Variants in NID2 observed in about 807,000 individuals in gnomAD.
NID2 encodes nidogen 2.
Under a neutral mutation model 145.4 loss-of-function variants are expected in NID2, and 83 were observed. The ratio of observed to expected loss-of-function variants is 0.57; its 90% CI spans 0.48 to 0.69. NID2 has a LOEUF of 0.69. NID2 is among the 30% of genes least tolerant of loss of function. The probability of loss-of-function intolerance (pLI) is 0.00; values close to 1 mark genes in which losing one functional copy is unlikely to be tolerated. For synonymous variants in NID2, 739 were observed against 701.3 expected (o/e 1.05, Z -0.85); for missense variants, 1,807 against 1,765.7 (o/e 1.02, Z -0.42).
chr14:52,030,489 GAAA>G (rs1891767927), intron 9 of NID2, among the ~76,000 whole-genome samples: 1 of 49,386 alleles, frequency 2.0e-5, no homozygotes, highest in Admixed American at 2.1e-4. Flanking sequence ...AGAAAAGAAA[GAAA>G]GAAAGAAAGA....
chr14:52,006,746 A>G (rs1890800594), intron 19 of NID2, 86 bp from the exon 20 acceptor site: 2 of 1,410,518 alleles, frequency 1.4e-6, no homozygotes, highest in Non-Finnish European at 2.0e-6. Flanking sequence ...CAGTGATAGA[A>G]TGGGGAAATA....
chr14:52,012,472 C>A (rs1032642012), intron 16 of NID2, among the ~76,000 whole-genome samples: 1 of 152,134 alleles, frequency 6.6e-6, no homozygotes, highest in African/African-American at 2.4e-5. Flanking sequence ...GTGGCACGCA[C>A]CTGTAGTCCC....
chr14:52,054,505 C>G (rs1414168829), intron 3 of NID2, among the ~76,000 whole-genome samples, 184 bp from the exon 4 acceptor site: 1 of 152,118 alleles, frequency 6.6e-6, no homozygotes, highest in African/African-American at 2.4e-5. Flanking sequence ...AGTTTGAGAC[C>G]AGTCTAGGCA....
intron 5 of NID2, among the ~76,000 whole-genome samples, chr14:52,043,691 C>A (rs1189386243): frequency 2.0e-5 from 3 of 152,128 alleles, no homozygotes; most frequent in Non-Finnish European, 2.9e-5. Flanking sequence ...CCTACTTATT[C>A]TGCCCATTAA....
At chr14:52,029,767 G>A in intron 9 of NID2, 77 bp from the exon 10 acceptor site, 1 of 1,233,892 alleles carries the variant, frequency 8.1e-7, no homozygotes, top group Non-Finnish European at 1.2e-6. Context: ...GGAGTCCTCG[G>A]AACTGACTGC....
intron 9 of NID2, among the ~76,000 whole-genome samples, chr14:52,033,049 T>C (rs75658396): frequency 6.6e-6 from 1 of 152,224 alleles, no homozygotes; most frequent in African/African-American, 2.4e-5. Flanking sequence ...TTCACTGAAC[T>C]TGGCTTCCCA....
chr14:52,068,688 C>G, intron 1 of NID2, 79 bp downstream of exon 1: 1 of 1,307,488 alleles, frequency 7.6e-7, no homozygotes, highest in Non-Finnish European at 1.1e-6. Context: ...TGTTTCCTCC[C>G]CTCTGGAGGC....
At chr14:52,053,177 A>G (rs1053628537) in intron 5 of NID2, among the ~76,000 whole-genome samples, 2 of 152,250 alleles carry the variant, frequency 1.3e-5, no homozygotes, top group African/African-American at 4.8e-5. Flanking sequence ...CATCTGAGCC[A>G]GCACAACTCA....
At chr14:52,029,378 C>T (rs948290721) in intron 10 of NID2, among the ~76,000 whole-genome samples, 169 bp downstream of exon 10, 9 of 152,202 alleles carry the variant, frequency 5.9e-5, no homozygotes, top group African/African-American at 2.2e-4. Flanking sequence ...CAAACATAAA[C>T]AGCTATGCTT....
Position 52,042,313 on chromosome 14 carries a change from G to A in NID2, c.1617C>T (p.His539=). 1.2e-6 allele frequency: 2 copies of A among 1,613,476 alleles called. No individual in the cohort carries two copies. The highest frequency in any genetic ancestry group is 1.7e-6 in the Non-Finnish European group (2 of 1,179,476). ...GCACGGGTGTATGGCCCACGTGGAG[G>A]TGGCCACTCACTTTCCCATTCACTC... ...PHRVNGKVSG[H]LHVGHTPVHF... is the part of the protein sequence containing the mutation. Residue 539 remains histidine (H), a synonymous_variant, in exon 7 of 22, where the codon CAC becomes CAT. Transcript: ENST00000216286.
rs775431607 is a variant in NID2, at chr14:52,040,868, T to C, written c.1826-17A>G. Reference sequence around the variant, plus strand: ...AGGCAGCACCTGGAGATGAAAAACATTCAGCACAGGGATGAAAAGAGGTCT... The same window carrying C: ...AGGCAGCACCTGGAGATGAAAAACACTCAGCACAGGGATGAAAAGAGGTCT... On this transcript the variant is annotated splice_polypyrimidine_tract_variant and intron_variant, in intron 7 of 21. Coordinates refer to ENST00000216286, the MANE Select transcript of NID2 (RefSeq NM_007361.4). 1.2e-6 allele frequency: 2 copies of C among 1,612,538 alleles called. No individual in the cohort carries two copies. The highest frequency in any genetic ancestry group is 2.2e-5 in the South Asian group (2 of 91,056).
chr14:52,028,540 C>T (rs1442953625), intron 11 of NID2, 182 bp downstream of exon 11: 8 of 559,406 alleles, frequency 1.4e-5, no homozygotes, highest in Admixed American at 4.0e-5. Context: ...CCTTCCAAAG[C>T]GATGATTACA....
intron 3 of NID2, among the ~76,000 whole-genome samples, chr14:52,058,153 G>T (rs1398633100): frequency 1.3e-5 from 2 of 152,186 alleles, no homozygotes; most frequent in East Asian, 3.8e-4. Flanking sequence ...TTAATAAGCT[G>T]TCTTTATACA....
Position 52,004,848 on chromosome 14 carries a change from T to C in NID2, c.*638A>G, listed in dbSNP as rs1353991657. The C allele has an allele frequency of 1.0e-5, 2 of 190,580 alleles. No homozygotes were observed. The highest frequency in any genetic ancestry group is 1.8e-4 in the South Asian group (1 of 5,450). 11.8% of individuals were successfully genotyped at this position (190,580 alleles called of 1,614,324 possible). ...TTTATTGGAGTAATCTAGAAAATTT[T>C]AAAATTGTTACATCTTTGGTATTTA... On this transcript the variant is annotated 3_prime_UTR_variant, in exon 22 of 22. Transcript: ENST00000216286.
intron 20 of NID2, chr14:52,006,327 G>A (rs756366593): frequency 6.3e-5 from 34 of 537,656 alleles, no homozygotes; most frequent in Non-Finnish European, 8.6e-5. Flanking sequence ...AATACCATTC[G>A]ATTTCTGGGT....
intron 9 of NID2, among the ~76,000 whole-genome samples, chr14:52,030,567 A>AAGAGAAT (rs1185429260): frequency 4.0e-5 from 4 of 99,270 alleles, no homozygotes; most frequent in African/African-American, 1.5e-4. Flanking sequence ...AAAGAAAGAA[A>AAGAGAAT]GGAAGGAAGG....
intron 5 of NID2, among the ~76,000 whole-genome samples, chr14:52,052,592 C>T (rs574772604): frequency 1.3e-5 from 2 of 152,312 alleles, no homozygotes; most frequent in African/African-American, 4.8e-5. Context: ...ATTTTCTTCC[C>T]TCCTGAAATT....
intron 14 of NID2, among the ~76,000 whole-genome samples, chr14:52,016,201 ACT>A (rs1177206717): frequency 6.6e-6 from 1 of 152,012 alleles, no homozygotes; most frequent in African/African-American, 2.4e-5. Flanking sequence ...TTCTGAGAAG[ACT>A]CTGCTGCAGA....
chr14:52,028,616 C>A (rs1184993313), intron 11 of NID2, 106 bp downstream of exon 11: 49 of 1,299,660 alleles, frequency 3.8e-5, no homozygotes, highest in Non-Finnish European at 4.8e-5. Flanking sequence ...TTAAGAAAAC[C>A]ATATAGCAGA....
Sources: gnomAD v4.1 joint callset for allele counts (sites outside exome capture counted in the v4.1 genomes callset) on GRCh38, gnomAD v4.1.1 for gene constraint, MANE v1.5 for transcripts, NCBI Gene and HGNC (gene_info 2026-07-23, HGNC 2026-07-21) for gene names.